PPFIA2: variants seen among roughly 807,000 people sequenced by gnomAD.
PPFIA2 encodes the protein PPFI scaffold protein A2, also known as liprin-alpha-2.
Under a neutral mutation model 175.5 loss-of-function variants are expected in PPFIA2, and 46 were observed. That is an observed-to-expected ratio of 0.26 (90% CI 0.21 to 0.34). The LOEUF is 0.34. Among genes scored for constraint, PPFIA2 ranks in the 10% least tolerant of loss-of-function variants. The probability of loss-of-function intolerance (pLI) is 1.00; values close to 1 mark genes in which losing one functional copy is unlikely to be tolerated. For synonymous variants in PPFIA2, 568 were observed against 511.4 expected (o/e 1.11, Z -1.49); for missense variants, 1,179 against 1,506.1 (o/e 0.78, Z 3.60).
At chr12:81,310,750 C>T (rs922261542) in intron 22 of PPFIA2, among the ~76,000 whole-genome samples, 6 of 152,096 alleles carry the variant, frequency 3.9e-5, no homozygotes, top group Non-Finnish European at 8.8e-5. Context: ...TTAAGAACAC[C>T]TTACTAGAGC....
At position 81,521,692 on chromosome 12, in the gene PPFIA2, C is replaced by T. The variant is rs556976232; in HGVS notation, c.304-63826G>A. Among the ~76,000 whole-genome samples the T allele has an allele frequency of 2.7e-5, 4 of 148,956 alleles. No homozygotes were observed. In the East Asian group the frequency reaches 7.9e-4, roughly 29 times the overall value. ...AAAAATAGCCAGGCATGGTGGCGGG[C>T]GCCTGTAGTCCCAGCTACTCCGGAG... On this transcript the variant is annotated intron_variant, in intron 4 of 32. Transcript: ENST00000549396.
intron 3 of PPFIA2, among the ~76,000 whole-genome samples, chr12:81,738,849 A>G (rs1474733620): frequency 6.6e-6 from 1 of 151,972 alleles, no homozygotes; most frequent in East Asian, 1.9e-4. Flanking sequence ...GGAAACATAT[A>G]TAAGAACACA....
At chr12:81,294,730 TCAA>T in intron 24 of PPFIA2, 102 bp downstream of exon 24, 2 of 1,058,030 alleles carry the variant, frequency 1.9e-6, no homozygotes, top group South Asian at 2.9e-5. Flanking sequence ...TGAGAATAAT[TCAA>T]GCTGACATTG....
chr12:81,638,837 G>T (rs1595879793), intron 4 of PPFIA2, among the ~76,000 whole-genome samples: 1 of 150,020 alleles, frequency 6.7e-6, no homozygotes, highest in African/African-American at 2.5e-5. Context: ...ACAGGCGCCC[G>T]CCACTACGCC....
chr12:81,513,189 C>A (rs2062001518), intron 4 of PPFIA2, among the ~76,000 whole-genome samples: 1 of 151,926 alleles, frequency 6.6e-6, no homozygotes, highest in Non-Finnish European at 1.5e-5. Flanking sequence ...CAAAGTTAAA[C>A]CACAATGAGA....
intron 3 of PPFIA2, among the ~76,000 whole-genome samples, chr12:81,704,403 A>G (rs1400415433): frequency 6.6e-6 from 1 of 152,202 alleles, no homozygotes; most frequent in Non-Finnish European, 1.5e-5. Flanking sequence ...TTTAAAGGTT[A>G]TAATATTTTA....
At chr12:81,589,462 T>G (rs2058421612) in intron 4 of PPFIA2, among the ~76,000 whole-genome samples, 1 of 152,106 alleles carries the variant, frequency 6.6e-6, no homozygotes, top group Non-Finnish European at 1.5e-5. Flanking sequence ...AGGAAAATAC[T>G]ATCAGTAACG....
At chr12:81,330,872 A>T (rs2055970447) in intron 21 of PPFIA2, among the ~76,000 whole-genome samples, 1 of 152,236 alleles carries the variant, frequency 6.6e-6, no homozygotes, top group Non-Finnish European at 1.5e-5. Context: ...CTATCCGGAG[A>T]CTGTATCTAT....
intron 22 of PPFIA2, among the ~76,000 whole-genome samples, chr12:81,307,987 A>G (rs537218599): frequency 6.6e-6 from 1 of 152,148 alleles, no homozygotes; most frequent in Admixed American, 6.5e-5. Context: ...TAAGATTCTA[A>G]GTCCTCTCCC....
chr12:81,726,264 G>A lies in PPFIA2; in HGVS notation c.249+27709C>T, dbSNP rs1454503696. ...CATCCCTCTCTCATAAATCACAAATGTATGGTTCTCAAATAGATTATTTCT... is the reference window on the plus strand; with the variant it reads ...CATCCCTCTCTCATAAATCACAAATATATGGTTCTCAAATAGATTATTTCT... On this transcript the variant is annotated intron_variant, in intron 3 of 32. Coordinates refer to ENST00000549396, the MANE Select transcript of PPFIA2 (RefSeq NM_003625.5). Among the ~76,000 whole-genome samples the A allele has an allele frequency of 2.6e-5, 4 of 151,210 alleles. No individual in the cohort carries two copies. In the East Asian group the frequency reaches 5.8e-4, roughly 22 times the overall value.
chr12:81,416,866 A>G (rs2045369378), intron 7 of PPFIA2, among the ~76,000 whole-genome samples: 1 of 151,770 alleles, frequency 6.6e-6, no homozygotes, highest in African/African-American at 2.4e-5. Flanking sequence ...GTGAATGCAA[A>G]CTAAATAATC....
At chr12:81,718,273 G>A (rs1383488450) in intron 3 of PPFIA2, among the ~76,000 whole-genome samples, 2 of 151,612 alleles carry the variant, frequency 1.3e-5, no homozygotes, top group Non-Finnish European at 3.0e-5. Flanking sequence ...CTGTGATAAT[G>A]TGAAATTTCA....
intron 3 of PPFIA2, among the ~76,000 whole-genome samples, chr12:81,736,899 C>T (rs1212118988): frequency 1.3e-5 from 2 of 151,894 alleles, no homozygotes; most frequent in Non-Finnish European, 2.9e-5. Context: ...TGTACCACCA[C>T]ACTTGGCTCA....
intron 16 of PPFIA2, among the ~76,000 whole-genome samples, 185 bp from the exon 17 acceptor site, chr12:81,353,524 G>A (rs1207265603): frequency 2.0e-5 from 3 of 152,024 alleles, no homozygotes; most frequent in East Asian, 3.9e-4. Context: ...AGTAATGTGA[G>A]GGATTGTCAG....
chr12:81,278,001 G>A (rs1270340343), intron 27 of PPFIA2, among the ~76,000 whole-genome samples: 1 of 152,130 alleles, frequency 6.6e-6, no homozygotes, highest in Non-Finnish European at 1.5e-5. Flanking sequence ...GTATCAAGTA[G>A]CAGAGACAGG....
chr12:81,291,011 CTACAT>C (rs1373920805), intron 24 of PPFIA2, among the ~76,000 whole-genome samples: 2 of 151,580 alleles, frequency 1.3e-5, no homozygotes, highest in Admixed American at 1.3e-4. Context: ...AATGCTTACA[CTACAT>C]TACTAAATTT....
intron 22 of PPFIA2, chr12:81,302,158 T>C (rs2048009159): frequency 2.4e-6 from 1 of 412,086 alleles, no homozygotes; most frequent in South Asian, 1.8e-5. Context: ...TTTGTTTTTG[T>C]AGTCCAAATA....
chr12:81,512,962 C>T (rs553060594), intron 4 of PPFIA2, among the ~76,000 whole-genome samples: 1 of 152,106 alleles, frequency 6.6e-6, no homozygotes, highest in Non-Finnish European at 1.5e-5. Context: ...AGTAAACAGA[C>T]AACCCACTGG....
At chr12:81,622,912 T>C (rs1183110399) in intron 4 of PPFIA2, among the ~76,000 whole-genome samples, 1 of 152,136 alleles carries the variant, frequency 6.6e-6, no homozygotes, top group Non-Finnish European at 1.5e-5. Context: ...GGTAGGAAAG[T>C]TATAGTCCAG....
Sources: gnomAD v4.1 joint callset for allele counts (sites outside exome capture counted in the v4.1 genomes callset) on GRCh38, gnomAD v4.1.1 for gene constraint, MANE v1.5 for transcripts, NCBI Gene and HGNC (gene_info 2026-07-23, HGNC 2026-07-21) for gene names.